Variants in CDC42SE2 observed in about 807,000 individuals in gnomAD.
CDC42SE2 encodes the protein CDC42 small effector protein 2.
Under a neutral mutation model 11.5 loss-of-function variants are expected in CDC42SE2, and 3 were observed. The observed-to-expected ratio is 0.26, with a 90% CI of 0.12 to 0.67. The LOEUF (loss-of-function observed/expected upper bound fraction) is 0.67. CDC42SE2 is among the 30% of genes least tolerant of loss of function. The pLI is 0.80. For synonymous variants in CDC42SE2, 33 were observed against 34.8 expected (o/e 0.95, Z 0.18); for missense variants, 82 against 106.8 (o/e 0.77, Z 1.02).
At chr5:131,296,498 G>T (rs1757573362) in intron 1 of CDC42SE2, among the ~76,000 whole-genome samples, 1 of 152,316 alleles carries the variant, frequency 6.6e-6, no homozygotes, top group Non-Finnish European at 1.5e-5. Flanking sequence ...CTTAGCTTCA[G>T]ATGGTTTGCT....
At chr5:131,382,323 T>TATC (rs1750350415) in intron 3 of CDC42SE2, among the ~76,000 whole-genome samples, 1 of 152,340 alleles carries the variant, frequency 6.6e-6, no homozygotes, top group Admixed American at 6.5e-5. Flanking sequence ...TTCACAAGCA[T>TATC]ATCTATTCAT....
At chr5:131,332,819 G>A (rs1428108018) in intron 2 of CDC42SE2, among the ~76,000 whole-genome samples, 1 of 152,022 alleles carries the variant, frequency 6.6e-6, no homozygotes, top group Non-Finnish European at 1.5e-5. Context: ...GGGGTTGTTT[G>A]TTTTTTTCTT....
intron 1 of CDC42SE2, among the ~76,000 whole-genome samples, chr5:131,253,600 A>C (rs1756657621): frequency 6.6e-6 from 1 of 152,156 alleles, no homozygotes; most frequent in South Asian, 2.1e-4. Context: ...CCCTATCTCT[A>C]TTAAAAATAC....
intron 1 of CDC42SE2, among the ~76,000 whole-genome samples, chr5:131,286,581 A>G (rs77029903): frequency 1.3e-5 from 2 of 151,738 alleles, no homozygotes; most frequent in African/African-American, 4.8e-5. Context: ...GAACCGTGCA[A>G]TTCCACTTAC....
At position 131,377,170 on chromosome 5, in the gene CDC42SE2, T is replaced by A. The variant is rs985269024; in HGVS notation, c.55-8373T>A. Among the ~76,000 whole-genome samples, 3 of 146,328 alleles carry A rather than the reference T, an allele frequency of 2.1e-5. No individual in the cohort carries two copies. In the East Asian group the frequency reaches 6.4e-4, roughly 31 times the overall value. On this transcript the variant is annotated intron_variant, in intron 3 of 4. Coordinates refer to ENST00000505065, the MANE Select transcript of CDC42SE2 (RefSeq NM_001375635.1). ...CAGCATCTATTATTATTTGACTATA[T>A]GTAATTTTTTTTTTTTTTTTTGAGA...
At chr5:131,381,313 T>G (rs1750315321) in intron 3 of CDC42SE2, among the ~76,000 whole-genome samples, 1 of 58,428 alleles carries the variant, frequency 1.7e-5, no homozygotes, top group Non-Finnish European at 2.6e-5. Context: ...CCAAGTGCTG[T>G]TTTTTTTTGT....
chr5:131,306,466 T>C lies in CDC42SE2; in HGVS notation c.-454-9510T>C, dbSNP rs145463503. On this transcript the variant is annotated intron_variant, in intron 1 of 4. Coordinates refer to ENST00000505065, the MANE Select transcript of CDC42SE2 (RefSeq NM_001375635.1). The stretch of plus-strand genomic sequence containing the variant: ...TTCTGTTGGTCAGTATTTCCGTTTT[T>C]ATGCCAGTATGTTCTGTATTGATTA... 4.1e-3 allele frequency among the ~76,000 whole-genome samples: 629 copies of C among 152,322 alleles called. 4 individuals are homozygous for C. Among genetic ancestry groups the C allele is most frequent in the African/African-American group, 0.013 (545 of 41,576 alleles).
chr5:131,309,554 C>T (rs1429869536), intron 1 of CDC42SE2, among the ~76,000 whole-genome samples: 3 of 151,226 alleles, frequency 2.0e-5, no homozygotes, highest in African/African-American at 4.8e-5. Flanking sequence ...TGGTAGAATT[C>T]GGCTGTGAAT....
intron 1 of CDC42SE2, among the ~76,000 whole-genome samples, chr5:131,305,716 CATTA>C (rs1458916904): frequency 6.6e-6 from 1 of 151,978 alleles, no homozygotes; most frequent in East Asian, 1.9e-4. Flanking sequence ...CTCTTCAATC[CATTA>C]ATTGTTTCCT....
rs1750772836 is a variant in CDC42SE2, at chr5:131,394,057, A to G, written c.*2966A>G. On this transcript the variant is annotated 3_prime_UTR_variant, in exon 5 of 5. Coordinates refer to ENST00000505065, the MANE Select transcript of CDC42SE2 (RefSeq NM_001375635.1). ...AGATACGGTATTAACCTTGGACATA[A>G]TTTTTTTTAGGGAGGCAGCTTTCCC... The G allele has an allele frequency of 6.6e-6, 1 of 152,014 alleles. No homozygotes were observed. Among genetic ancestry groups the G allele is most frequent in the Non-Finnish European group, 1.5e-5 (1 of 67,952 alleles). The allele number at this position is 152,014 out of a possible 1,614,324, so 9.4% of individuals were successfully genotyped here.
At chr5:131,343,726 AAGAGAGAGAG>A (rs561637752) in intron 2 of CDC42SE2, among the ~76,000 whole-genome samples, 1 of 151,698 alleles carries the variant, frequency 6.6e-6, no homozygotes, top group Non-Finnish European at 1.5e-5. Context: ...AAAAAAAAAA[AAGAGAGAGAG>A]AGATGGAAGA....
chr5:131,272,386 G>T (rs374325304), intron 1 of CDC42SE2, among the ~76,000 whole-genome samples: 1 of 151,962 alleles, frequency 6.6e-6, no homozygotes, highest in African/African-American at 2.4e-5. Flanking sequence ...AATACCTCTC[G>T]TCAAACCTCT....
chr5:131,222,452 C>T, the CDC42SE2 span, among the ~76,000 whole-genome samples: 2 of 152,226 alleles, frequency 1.3e-5, no homozygotes, highest in Non-Finnish European at 2.9e-5. Context: ...ATTTGAACTA[C>T]TTAGAACAGC....
At chr5:131,323,074 C>T (rs1339526159) in intron 2 of CDC42SE2, among the ~76,000 whole-genome samples, 2 of 151,938 alleles carry the variant, frequency 1.3e-5, no homozygotes, top group East Asian at 3.9e-4. Context: ...GTTGCCCAGG[C>T]TCGAGTATAA....
intron 1 of CDC42SE2, among the ~76,000 whole-genome samples, chr5:131,265,759 A>G (rs1197487883): frequency 1.3e-5 from 2 of 152,224 alleles, no homozygotes; most frequent in Non-Finnish European, 2.9e-5. Flanking sequence ...TGTCAGTTTA[A>G]TAGAATCTGT....
At chr5:131,238,360 G>A in the CDC42SE2 span, among the ~76,000 whole-genome samples, 1 of 151,926 alleles carries the variant, frequency 6.6e-6, no homozygotes, top group Non-Finnish European at 1.5e-5. Flanking sequence ...AAAATTAGCC[G>A]GGCGTGGTGG....
chr5:131,237,685 C>T, the CDC42SE2 span, among the ~76,000 whole-genome samples: 2 of 152,156 alleles, frequency 1.3e-5, no homozygotes, highest in Non-Finnish European at 2.9e-5. Context: ...CTCAGGCAAT[C>T]CTCCTGCTCA....
intron 3 of CDC42SE2, among the ~76,000 whole-genome samples, chr5:131,361,265 A>G (rs1294666348): frequency 1.3e-5 from 2 of 152,174 alleles, no homozygotes; most frequent in Non-Finnish European, 2.9e-5. Context: ...GAAGACACAG[A>G]TTAGGTATTT....
At chr5:131,290,483 TTTG>T (rs1481409479) in intron 1 of CDC42SE2, among the ~76,000 whole-genome samples, 4 of 144,328 alleles carry the variant, frequency 2.8e-5, no homozygotes, top group African/African-American at 1.1e-4. Flanking sequence ...TTTTTTTTTT[TTTG>T]TTTTTTTTTT....
Sources: allele counts gnomAD v4.1 joint callset (sites outside exome capture counted in the v4.1 genomes callset), GRCh38; gene constraint gnomAD v4.1.1; transcripts MANE v1.5; gene names NCBI Gene and HGNC (gene_info 2026-07-23, HGNC 2026-07-21).